The following RB1 variants were observed in gnomAD, a reference collection of about 807,000 sequenced individuals.
RB1 encodes the protein retinoblastoma-associated protein.
RB1 carries 18 observed loss-of-function variants against 135.4 expected under a neutral mutation model. That is an observed-to-expected ratio of 0.13 (90% CI 0.09 to 0.20). RB1 has a LOEUF of 0.20. RB1 is among the 10% of genes least tolerant of loss of function. The pLI is 1.00. For missense variants in RB1, 868 were observed against 1,110.0 expected (o/e 0.78, Z 3.10); for synonymous variants, 365 against 373.2 (o/e 0.98, Z 0.25).
intron 5 of RB1, 137 bp downstream of exon 5, chr13:48,348,000 C>T (rs1952513472): frequency 3.0e-6 from 2 of 664,694 alleles, no homozygotes; most frequent in Non-Finnish European, 5.3e-6. Context: ...AGATTTAAGT[C>T]CTGTGTAGAT....
chr13:48,457,170 G>A (rs1321315860), intron 19 of RB1, among the ~76,000 whole-genome samples: 1 of 152,164 alleles, frequency 6.6e-6, no homozygotes, highest in Non-Finnish European at 1.5e-5. Flanking sequence ...GCTTAGAGAA[G>A]ACCCATAGTG....
intron 17 of RB1, among the ~76,000 whole-genome samples, chr13:48,400,060 C>G (rs1331813501): frequency 6.6e-6 from 1 of 152,080 alleles, no homozygotes; most frequent in Non-Finnish European, 1.5e-5. Context: ...AATCTAACAA[C>G]TCAGGAATGT....
intron 17 of RB1, among the ~76,000 whole-genome samples, chr13:48,450,548 T>C (rs1662688086): frequency 6.6e-6 from 1 of 152,236 alleles, no homozygotes. Flanking sequence ...AATACCATGC[T>C]GTTTTGGTTA....
chr13:48,316,999 G>T, intron 2 of RB1: 2 of 504,484 alleles, frequency 4.0e-6, no homozygotes, highest in Non-Finnish European at 6.9e-6. Flanking sequence ...CAATACCTCA[G>T]GTCTAAAATG....
At position 48,303,895 on chromosome 13, in the gene RB1, C is replaced by T. The variant is rs2138026856; in HGVS notation, c.-18C>T. 2 of 1,514,720 alleles carry T rather than the reference C, an allele frequency of 1.3e-6. No individual in the cohort carries two copies. The highest frequency in any genetic ancestry group is 2.3e-4 in the Middle Eastern group (1 of 4,312). 93.8% of individuals were successfully genotyped at this position (1,514,720 alleles called of 1,614,324 possible). ...GCGCTCCTCCACAGCTCGCTGGCTCCCGCCGCGGAAAGGCGTCATGCCGCC... is the reference window on the plus strand; with the variant it reads ...GCGCTCCTCCACAGCTCGCTGGCTCTCGCCGCGGAAAGGCGTCATGCCGCC... On this transcript the variant is annotated 5_prime_UTR_variant, in exon 1 of 27. Coordinates refer to ENST00000267163, the MANE Select transcript of RB1 (RefSeq NM_000321.3).
At position 48,411,404 on chromosome 13, in the gene RB1, A is replaced by G. The variant is rs777172366; in HGVS notation, c.1695+29961A>G. The G allele has an allele frequency of 6.2e-6, 10 of 1,611,436 alleles. No homozygotes were observed. In the Admixed American group the frequency reaches 1.7e-4, roughly 27 times the overall value. The stretch of plus-strand genomic sequence containing the variant: ...TGGTTTTATTTCAGGCAGCAGATTC[A>G]TTGTCAAATATCTTACTTTTTAAGG... On this transcript the variant is annotated intron_variant, in intron 17 of 26. Coordinates refer to ENST00000267163, the MANE Select transcript of RB1 (RefSeq NM_000321.3).
rs1952055240 is a variant in RB1, at chr13:48,304,056, G to A, written c.137+7G>A. 1.4e-6 allele frequency: 2 copies of A among 1,427,414 alleles called. No homozygotes were observed. The highest frequency in any genetic ancestry group is 6.0e-5 in the East Asian group (2 of 33,506). 88.4% of individuals were successfully genotyped at this position (1,427,414 alleles called of 1,614,324 possible). On this transcript the variant is annotated splice_region_variant and intron_variant, in intron 1 of 26. Transcript: ENST00000267163. ...AGGACCTGCCTCTCGTCAGGTGAGC[G>A]AGCAGAGCCGCCGTCGCCTCACGCG...
At chr13:48,355,773 A>G (rs764128746) in intron 6 of RB1, among the ~76,000 whole-genome samples, 1 of 152,094 alleles carries the variant, frequency 6.6e-6, no homozygotes, top group Non-Finnish European at 1.5e-5. Context: ...TTGCGACAAC[A>G]TAGATGGACC....
intron 17 of RB1, among the ~76,000 whole-genome samples, chr13:48,420,215 T>G (rs982832970): frequency 1.3e-5 from 2 of 152,226 alleles, no homozygotes; most frequent in Non-Finnish European, 2.9e-5. Flanking sequence ...ATCCCTGGGA[T>G]GCAAGGCTGG....
chr13:48,470,656 C>T lies in RB1; in HGVS notation c.2490-2704C>T, dbSNP rs1317680015. On this transcript the variant is annotated intron_variant, in intron 23 of 26. Coordinates refer to ENST00000267163, the MANE Select transcript of RB1 (RefSeq NM_000321.3). ...ACAACATGGGAGAAAATTTTCGCAA[C>T]CTACTCATCTGACAAAGGGCTAATA... Among the ~76,000 whole-genome samples, 17 of 19,980 alleles carry T rather than the reference C, an allele frequency of 8.5e-4. 3 individuals are homozygous for T. The highest frequency in any genetic ancestry group is 1.4e-3 in the Admixed American group (2 of 1,436). 13.1% of individuals were successfully genotyped at this position (19,980 alleles called of 152,430 possible). A position where few individuals can be genotyped will look rare whatever the true frequency, so the allele number is the denominator to read the frequency against.
At chr13:48,328,473 T>G in intron 2 of RB1, 3 of 900,408 alleles carry the variant, frequency 3.3e-6, no homozygotes, top group Non-Finnish European at 5.7e-6. Flanking sequence ...TTCTCAGCGC[T>G]GCGGCTGGAA....
chr13:48,345,110 A>T lies in RB1; in HGVS notation c.411A>T (p.Glu137Asp), dbSNP rs3092902. The change falls in exon 4 of 27, where the codon GAA becomes GAT. Residue 137 changes from glutamate to aspartate, a missense_variant. Around this residue, in one of 3 missense-constraint regions of RB1, gnomAD observed 641 missense variants for 791.3 expected, o/e 0.81. Coordinates refer to ENST00000267163, the MANE Select transcript of RB1 (RefSeq NM_000321.3). ...ATAAATTCTTTAACTTACTAAAAGA[A>T]ATTGATACCAGTACCAAAGTTGATA... ...SVHKFFNLLK[E>D]IDTSTKVDNA... 6.8e-4 allele frequency: 1,103 copies of T among 1,612,608 alleles called. 1 individual carries two copies. The highest frequency in any genetic ancestry group is 9.0e-4 in the Non-Finnish European group (1,065 of 1,179,420).
intron 17 of RB1, among the ~76,000 whole-genome samples, chr13:48,420,298 T>C (rs2138238717): frequency 6.6e-6 from 1 of 152,278 alleles, no homozygotes; most frequent in East Asian, 1.9e-4. Context: ...CATGATTATG[T>C]CAATAGATGC....
intron 17 of RB1, among the ~76,000 whole-genome samples, chr13:48,402,518 C>G (rs1476297809): frequency 6.6e-6 from 1 of 151,776 alleles, no homozygotes; most frequent in African/African-American, 2.4e-5. Flanking sequence ...GATGTGACTA[C>G]AGGTGTGAGC....
At chr13:48,325,894 A>C (rs2138062361) in intron 2 of RB1, among the ~76,000 whole-genome samples, 1 of 152,270 alleles carries the variant, frequency 6.6e-6, no homozygotes, top group East Asian at 1.9e-4. Context: ...TTCACATTTA[A>C]AAATTTTAAA....
chr13:48,367,119 A>AAC (rs1952709848), intron 9 of RB1, among the ~76,000 whole-genome samples: 1 of 5,370 alleles, frequency 1.9e-4, no homozygotes, highest in African/African-American at 2.2e-4. Context: ...ACTCCATCTC[A>AAC]AAAAAAAAAA....
At chr13:48,451,847 T>TA (rs1949329495) in intron 17 of RB1, among the ~76,000 whole-genome samples, 1 of 150,868 alleles carries the variant, frequency 6.6e-6, no homozygotes, top group Non-Finnish European at 1.5e-5. Flanking sequence ...CTTGGGAGGG[T>TA]GTATGTGTTC....
chr13:48,459,619 G>T (rs1566235345), intron 19 of RB1, 69 bp from the exon 20 acceptor site: 4 of 1,533,792 alleles, frequency 2.6e-6, no homozygotes, highest in East Asian at 4.5e-5. Flanking sequence ...GCGATTTCAT[G>T]ATTTGAAAAA....
chr13:48,329,481 G>C (rs756478653), intron 2 of RB1, among the ~76,000 whole-genome samples: 58 of 152,168 alleles, frequency 3.8e-4, no homozygotes, highest in Admixed American at 8.5e-4. Flanking sequence ...CAAAGGTAAA[G>C]TATTTGCTAT....
Sources: allele counts gnomAD v4.1 joint callset (sites outside exome capture counted in the v4.1 genomes callset), GRCh38; gene constraint gnomAD v4.1.1; regional missense constraint gnomAD v4.1.1; transcripts MANE v1.5; gene names NCBI Gene and HGNC (gene_info 2026-07-23, HGNC 2026-07-21).